Variants in COQ8A observed in about 807,000 individuals in gnomAD.
COQ8A encodes atypical kinase COQ8A, mitochondrial.
COQ8A carries 51 observed loss-of-function variants against 65.0 expected under a neutral mutation model. That is an observed-to-expected ratio of 0.78 (90% CI 0.63 to 0.99). The LOEUF is 0.99. Ranked by LOEUF, COQ8A falls within the 50% of genes least tolerant of loss-of-function variation. The pLI is 0.00. For missense variants in COQ8A, 940 were observed against 875.0 expected, an observed-to-expected ratio of 1.07 and a Z score of -0.94; for synonymous variants, 371 against 353.2, an observed-to-expected ratio of 1.05 and a Z score of -0.57.
chr1:226,977,618 C>T lies in COQ8A; in HGVS notation c.730+95C>T, dbSNP rs958719205. 24 of 1,374,392 alleles carry T rather than the reference C, an allele frequency of 1.7e-5. No individual in the cohort carries two copies. The South Asian group carries it at 3.0e-4, about 17-fold the overall frequency. The allele number at this position is 1,374,392 out of a possible 1,614,324, so 85.1% of individuals were successfully genotyped here. On this transcript the variant is annotated intron_variant, in intron 5 of 14. Coordinates refer to ENST00000366777, the MANE Select transcript of COQ8A (RefSeq NM_020247.5). ...CCACCTGTGCTCTGGGAGTGTCAGC[C>T]AGCTGGGCCGCATTTGCATGGGGTT... is the stretch of plus-strand genomic sequence containing the variant.
At chr1:226,966,264 T>C (rs1658562862) in intron 4 of COQ8A, among the ~76,000 whole-genome samples, 1 of 152,256 alleles carries the variant, frequency 6.6e-6, no homozygotes, top group Non-Finnish European at 1.5e-5. Flanking sequence ...TGCTGCTGTT[T>C]AAAGCCGTTT....
chr1:226,987,007 CTTTGTTTT>C lies in COQ8A; in HGVS notation c.*271_*278del. ...TAAGCAGATGAAGATGAAAGGGCAA[CTTTGTTTT>C]CTTCTTTTTCCTGATGTGAATGTTA... On this transcript the variant is annotated 3_prime_UTR_variant, in exon 15 of 15. Transcript: ENST00000366777. 1.9e-6 allele frequency: 1 copy of C among 533,634 alleles called. No individual in the cohort carries two copies. 33.1% of individuals were successfully genotyped at this position (533,634 alleles called of 1,614,324 possible). A position where few individuals can be genotyped will look rare whatever the true frequency, so the allele number is the denominator to read the frequency against.
At chr1:226,979,557 C>T (rs1193968542) in intron 5 of COQ8A, among the ~76,000 whole-genome samples, 7 of 152,162 alleles carry the variant, frequency 4.6e-5, no homozygotes, top group Non-Finnish European at 7.4e-5. Flanking sequence ...TCTGGTATCA[C>T]GCCCTTCCAC....
intron 10 of COQ8A, 36 bp downstream of exon 10, chr1:226,983,890 C>A (rs200965287): frequency 6.9e-6 from 11 of 1,595,516 alleles, no homozygotes; most frequent in Non-Finnish European, 8.5e-6. Flanking sequence ...CGTGTTTGCA[C>A]CAGGGAGGCA....
intron 2 of COQ8A, among the ~76,000 whole-genome samples, chr1:226,964,726 T>C (rs1027299951): frequency 4.6e-5 from 7 of 152,194 alleles, no homozygotes; most frequent in African/African-American, 1.7e-4. Context: ...GCGGGCGTAG[T>C]GTGCACTTGG....
chr1:226,978,784 CCA>C (rs1659491224), intron 5 of COQ8A, among the ~76,000 whole-genome samples: 1 of 106,424 alleles, frequency 9.4e-6, no homozygotes. Context: ...CCGTACACAC[CCA>C]CCTCTCACCC....
chr1:226,950,293 A>C (rs1657298412), intron 1 of COQ8A, among the ~76,000 whole-genome samples: 1 of 152,118 alleles, frequency 6.6e-6, no homozygotes, highest in African/African-American at 2.4e-5. Context: ...CCAGCTCCCA[A>C]CCCAGTGCTC....
intron 1 of COQ8A, among the ~76,000 whole-genome samples, chr1:226,957,592 G>C (rs891204582): frequency 1.3e-5 from 2 of 152,168 alleles, no homozygotes; most frequent in East Asian, 3.8e-4. Context: ...GTGAAGGGGG[G>C]ACTTGGAGTG....
In COQ8A at chr1:226,984,806, C is replaced by T; in HGVS notation, c.1507-70C>T. ...ATCCTCACTGCCCTCTGTTGCACCC[C>T]CTTCCCGGCCCCACACACCCGCACC... On this transcript the variant is annotated intron_variant, in intron 12 of 14. Coordinates refer to ENST00000366777, the MANE Select transcript of COQ8A (RefSeq NM_020247.5). The T allele has an allele frequency of 2.6e-6, 4 of 1,560,460 alleles. No homozygotes were observed. The South Asian group carries it at 4.5e-5, about 17-fold the overall frequency.
At chr1:226,982,786 C>T in intron 7 of COQ8A, 23 bp downstream of exon 7, 1 of 1,613,376 alleles carries the variant, frequency 6.2e-7, no homozygotes, top group Non-Finnish European at 8.5e-7. Context: ...GGGCTCTGCC[C>T]ACTCTCTGTG....
At position 226,983,650 on chromosome 1, in the gene COQ8A, T is replaced by C. The variant is rs775316680; in HGVS notation, c.1162+17T>C. 5.6e-6 allele frequency: 9 copies of C among 1,613,728 alleles called. No individual in the cohort carries two copies. The highest frequency in any genetic ancestry group is 7.6e-6 in the Non-Finnish European group (9 of 1,179,892). ...TTCCAGAAGGTCTGAGGCTAGGTGG[T>C]TGGGTCAAGGGCAGGAGTGGGTGGC... On this transcript the variant is annotated intron_variant, in intron 9 of 14. Transcript: ENST00000366777.
chr1:226,976,374 G>A (rs371737308), intron 4 of COQ8A, among the ~76,000 whole-genome samples: 2 of 150,710 alleles, frequency 1.3e-5, no homozygotes, highest in African/African-American at 4.9e-5. Flanking sequence ...TTGCCTGGCT[G>A]CGGGGCTGTG....
rs778967806 is a variant in COQ8A at position 226,984,599 on chromosome 1, T to A, written c.1450T>A (p.Phe484Ile). ...LCLRELFEFH[F>I]MQTDPNWSNF... Reference sequence around the variant, plus strand: ...CCTGAGGGAGCTGTTCGAGTTCCACTTCATGCAAACAGACCCCAACTGGTC... The same window carrying A: ...CCTGAGGGAGCTGTTCGAGTTCCACATCATGCAAACAGACCCCAACTGGTC... The change falls in exon 12 of 15, where the codon TTC becomes ATC. Residue 484 changes from phenylalanine to isoleucine, a missense_variant. By Grantham distance (21) the Phe-to-Ile change is conservative. Coordinates refer to ENST00000366777, the MANE Select transcript of COQ8A (RefSeq NM_020247.5). 28 of 1,614,048 alleles carry A rather than the reference T, an allele frequency of 1.7e-5. No homozygotes were observed. Among genetic ancestry groups the A allele is most frequent in the Non-Finnish European group, 2.3e-5 (27 of 1,180,030 alleles).
chr1:226,955,056 A>C (rs1366124644), intron 1 of COQ8A, among the ~76,000 whole-genome samples: 1 of 152,030 alleles, frequency 6.6e-6, no homozygotes, highest in African/African-American at 2.4e-5. Flanking sequence ...CTGGAACCTA[A>C]AGGCAGTGGA....
At chr1:226,977,910 C>T (rs114114213) in intron 5 of COQ8A, among the ~76,000 whole-genome samples, 4,474 of 149,324 alleles carry the variant, frequency 0.03, 244 homozygotes, top group African/African-American at 0.1. Context: ...AGCGAACACG[C>T]GCACACCTTA....
chr1:226,951,023 C>T (rs577725763), intron 1 of COQ8A, among the ~76,000 whole-genome samples: 1 of 152,296 alleles, frequency 6.6e-6, no homozygotes, highest in Non-Finnish European at 1.5e-5. Context: ...ATGGTGAGCT[C>T]AGACCTCTCT....
intron 11 of COQ8A, 108 bp from the exon 12 acceptor site, chr1:226,984,440 C>T: frequency 7.7e-7 from 1 of 1,300,318 alleles, no homozygotes; most frequent in Non-Finnish European, 1.1e-6. Context: ...CAAACAGTCC[C>T]TAGGGTAGGG....
intron 1 of COQ8A, among the ~76,000 whole-genome samples, chr1:226,940,841 C>T (rs937587704): frequency 2.0e-5 from 3 of 152,248 alleles, no homozygotes; most frequent in African/African-American, 7.2e-5. Flanking sequence ...AGGCTCGTTG[C>T]CGCTGGCTGC....
intron 4 of COQ8A, among the ~76,000 whole-genome samples, chr1:226,968,799 G>C (rs1658712567): frequency 6.6e-6 from 1 of 152,110 alleles, no homozygotes; most frequent in South Asian, 2.1e-4. Context: ...TGGGGGCGGG[G>C]CATGAGTCCT....
Sources: gnomAD v4.1 joint callset for allele counts (sites outside exome capture counted in the v4.1 genomes callset) on GRCh38, gnomAD v4.1.1 for gene constraint, MANE v1.5 for transcripts, NCBI Gene and HGNC (gene_info 2026-07-23, HGNC 2026-07-21) for gene names.